The following DAZL variants were observed in gnomAD, a reference collection of about 807,000 sequenced individuals.
DAZL encodes deleted in azoospermia-like.
Under a neutral mutation model 45.0 loss-of-function variants are expected in DAZL, and 4 were observed. That is an observed-to-expected ratio of 0.09 (90% CI 0.04 to 0.20). The LOEUF (loss-of-function observed/expected upper bound fraction) is 0.20, where lower values mean the gene tolerates loss of function less well. Ranked by LOEUF, DAZL falls within the 10% of genes least tolerant of loss-of-function variation. DAZL has a pLI of 1.00. For synonymous variants in DAZL, 122 were observed against 112.4 expected (o/e 1.09, Z -0.54); for missense variants, 326 against 351.3 (o/e 0.93, Z 0.58).
intron 1 of DAZL, among the ~76,000 whole-genome samples, chr3:16,604,034 T>C (rs1253841423): frequency 6.6e-6 from 1 of 152,146 alleles, no homozygotes; most frequent in Admixed American, 6.5e-5. Context: ...AGTGTTATAA[T>C]AAATAATTAC....
chr3:16,593,382 A>T lies in DAZL; in HGVS notation c.735+273T>A, dbSNP rs141152995. On this transcript the variant is annotated intron_variant, in intron 9 of 10. Coordinates refer to ENST00000399444, the MANE Select transcript of DAZL (RefSeq NM_001351.4). Reference sequence around the variant, plus strand: ...ATAATTTATGGCTCCTATCTTGCCCAGGGTGGTCTCGAACTCCTGAGCTCA... The same window carrying T: ...ATAATTTATGGCTCCTATCTTGCCCTGGGTGGTCTCGAACTCCTGAGCTCA... Among the ~76,000 whole-genome samples the T allele has an allele frequency of 8.6e-3, 1,312 of 152,326 alleles. 10 individuals are homozygous for T. Among genetic ancestry groups the T allele is most frequent in the Non-Finnish European group, 0.012 (827 of 68,026 alleles).
chr3:16,598,887 G>A (rs541739016), intron 1 of DAZL, among the ~76,000 whole-genome samples: 2 of 151,418 alleles, frequency 1.3e-5, no homozygotes, highest in South Asian at 2.1e-4. Context: ...AGGTTCAAGC[G>A]ATTCTCCTGC....
intron 10 of DAZL, among the ~76,000 whole-genome samples, chr3:16,588,986 T>C (rs1397379713): frequency 6.6e-6 from 1 of 152,092 alleles, no homozygotes; most frequent in Non-Finnish European, 1.5e-5. Context: ...TTAGACTCAA[T>C]ATCATTTTAT....
intron 1 of DAZL, among the ~76,000 whole-genome samples, chr3:16,601,339 C>A (rs1435583615): frequency 5.3e-5 from 8 of 152,160 alleles, no homozygotes; most frequent in Non-Finnish European, 8.8e-5. Context: ...TGGCTGCCTG[C>A]TTAACTGGAA....
chr3:16,600,622 AG>A (rs1312388446), intron 1 of DAZL, among the ~76,000 whole-genome samples: 3 of 152,230 alleles, frequency 2.0e-5, no homozygotes, highest in Non-Finnish European at 4.4e-5. Flanking sequence ...ATCCCTTCTC[AG>A]TTCATTCAGA....
At chr3:16,598,659 A>G in intron 1 of DAZL, 61 bp from the exon 2 acceptor site, 5 of 1,499,616 alleles carry the variant, frequency 3.3e-6, no homozygotes, top group Non-Finnish European at 4.4e-6. Flanking sequence ...ACATAATGTG[A>G]AATATAATTT....
intron 9 of DAZL, among the ~76,000 whole-genome samples, chr3:16,592,856 T>G (rs1694541802): frequency 6.6e-6 from 1 of 152,194 alleles, no homozygotes; most frequent in African/African-American, 2.4e-5. Context: ...GTGTTATACA[T>G]ATTACCAACA....
At chr3:16,597,274 G>A (rs1004326831) in intron 4 of DAZL, among the ~76,000 whole-genome samples, 1 of 152,062 alleles carries the variant, frequency 6.6e-6, no homozygotes, top group African/African-American at 2.4e-5. Flanking sequence ...TCATTACCCT[G>A]CCCTGTCTCC....
chr3:16,591,194 G>A (rs1316809502), intron 10 of DAZL, among the ~76,000 whole-genome samples: 1 of 152,010 alleles, frequency 6.6e-6, no homozygotes, highest in African/African-American at 2.4e-5. Flanking sequence ...TGTAAAAACT[G>A]GAGTCTTAAT....
At chr3:16,597,618 T>C (rs1346896138) in intron 3 of DAZL, 77 bp from the exon 4 acceptor site, 1 of 875,680 alleles carries the variant, frequency 1.1e-6, no homozygotes, top group African/African-American at 1.6e-5. Flanking sequence ...TATACGGAAG[T>C]GATCATGACT....
chr3:16,595,770 G>C (rs576199859), intron 6 of DAZL, among the ~76,000 whole-genome samples: 1 of 152,034 alleles, frequency 6.6e-6, no homozygotes, highest in East Asian at 1.9e-4. Flanking sequence ...AGACAGTTTT[G>C]TGTTTGACAA....
rs1559403446 is a variant in DAZL, at chr3:16,597,551, C to A, written c.243-10G>T. The A allele has an allele frequency of 1.9e-6, 3 of 1,549,218 alleles. No homozygotes were observed. In the Admixed American group the frequency reaches 5.0e-5, roughly 26 times the overall value. On this transcript the variant is annotated splice_polypyrimidine_tract_variant and intron_variant, in intron 3 of 10. Coordinates refer to ENST00000399444, the MANE Select transcript of DAZL (RefSeq NM_001351.4). ...TGAAACAAATCCATAGCTATAAAGG[C>A]AGATAAATGAAGTATAAAATCACCA...
chr3:16,604,701 C>G, intron 1 of DAZL: 1 of 1,359,682 alleles, frequency 7.4e-7, no homozygotes, highest in Non-Finnish European at 9.4e-7. Context: ...TTTAAGAAGG[C>G]AAGTCCCTCA....
chr3:16,604,376 G>A (rs1694740654), intron 1 of DAZL: 2 of 1,370,508 alleles, frequency 1.5e-6, no homozygotes, highest in South Asian at 1.3e-5. Context: ...TTTATCGAGA[G>A]GGAAAAAACC....
rs752428376 is a variant in DAZL at position 16,596,822 on chromosome 3, G to C, written c.426C>G (p.Val142=). Residue 142 remains valine, a synonymous_variant, in exon 6 of 11, where the codon GTC becomes GTG. Coordinates refer to ENST00000399444, the MANE Select transcript of DAZL (RefSeq NM_001351.4). ...AAGTTTCAGTGTTTGGATTAGTCCA[G>C]ACATTCTGAAACTGTGGTGGAGGAG... ...NHPPPPQFQN[V]WTNPNTETYM... 3 of 1,613,608 alleles carry C rather than the reference G, an allele frequency of 1.9e-6. No homozygotes were observed. Among genetic ancestry groups the C allele is most frequent in the Non-Finnish European group, 2.5e-6 (3 of 1,179,546 alleles).
chr3:16,605,238 C>A lies in DAZL; in HGVS notation c.-33G>T, dbSNP rs9847342. 20 of 1,613,998 alleles carry A rather than the reference C, an allele frequency of 1.2e-5. No homozygotes were observed. Among genetic ancestry groups the A allele is most frequent in the South Asian group, 8.8e-5 (8 of 91,094 alleles). On this transcript the variant is annotated 5_prime_UTR_variant, in exon 1 of 11. Coordinates refer to ENST00000399444, the MANE Select transcript of DAZL (RefSeq NM_001351.4). ...GCAGGCAGCAGTTCCCGACCGGCTC[C>A]AGGAGGAGCAGAGGCTGTGCTTGGC...
At position 16,598,577 on chromosome 3, in the gene DAZL, G is replaced by A. The variant is rs768179912; in HGVS notation, c.25C>T (p.Pro9Ser). The change falls in exon 2 of 11, where the codon CCA (proline) becomes TCA (serine). Residue 9 changes from proline (P) to serine (S), a missense_variant. Physicochemically the swap from Pro to Ser is moderately conservative, Grantham distance 74. Around this residue, in one of 3 missense-constraint regions of DAZL, gnomAD observed 81 missense variants for 89.6 expected, o/e 0.90. Coordinates refer to ENST00000399444, the MANE Select transcript of DAZL (RefSeq NM_001351.4). ...GCCTCTCTGGAGATGGTTGAGTTTG[G>A]AGTTTCAGGATTTGCAGTAGACTGT... MSTANPET[P>S]NSTISREAST... is the part of the protein sequence containing the mutation. The A allele has an allele frequency of 6.3e-7, 1 of 1,598,584 alleles. No individual in the cohort carries two copies. The highest frequency in any genetic ancestry group is 1.7e-5 in the Admixed American group (1 of 59,936).
intron 7 of DAZL, among the ~76,000 whole-genome samples, chr3:16,594,797 G>A (rs1278808763): frequency 6.6e-6 from 1 of 151,918 alleles, no homozygotes; most frequent in Non-Finnish European, 1.5e-5. Flanking sequence ...CAATTTTCTG[G>A]AGTTGGCATT....
intron 8 of DAZL, 74 bp downstream of exon 8, chr3:16,594,459 A>G: frequency 8.9e-7 from 1 of 1,126,254 alleles, no homozygotes; most frequent in Non-Finnish European, 1.3e-6. Context: ...ATGGAAAACA[A>G]TCAAGAAATA....
Sources: gnomAD v4.1 joint callset for allele counts (sites outside exome capture counted in the v4.1 genomes callset) on GRCh38, gnomAD v4.1.1 for gene constraint, gnomAD v4.1.1 regional missense constraint, MANE v1.5 for transcripts, NCBI Gene and HGNC (gene_info 2026-07-23, HGNC 2026-07-21) for gene names.